Variants in ASIC2 observed in about 807,000 individuals in gnomAD.
ASIC2 encodes acid sensing ion channel subunit 2, also known as acid-sensing ion channel 2.
Under a neutral mutation model 57.3 loss-of-function variants are expected in ASIC2, and 25 were observed. That is an observed-to-expected ratio of 0.44 (90% CI 0.32 to 0.61). The LOEUF is 0.61. Ranked by LOEUF, ASIC2 falls within the 20% of genes least tolerant of loss-of-function variation. ASIC2 has a pLI of 0.06. For synonymous variants in ASIC2, 319 were observed against 307.5 expected (o/e 1.04, Z -0.39); for missense variants, 641 against 738.1 (o/e 0.87, Z 1.52).
intron 1 of ASIC2, among the ~76,000 whole-genome samples, chr17:33,659,982 G>A (rs1795840927): frequency 6.6e-6 from 1 of 151,962 alleles, no homozygotes; most frequent in Non-Finnish European, 1.5e-5. Context: ...TACTCAGGAG[G>A]CTGAGGCAGG....
At chr17:33,739,926 A>G (rs1452626226) in intron 1 of ASIC2, among the ~76,000 whole-genome samples, 2 of 150,900 alleles carry the variant, frequency 1.3e-5, no homozygotes, top group East Asian at 3.9e-4. Context: ...AGAAAAAAGA[A>G]AGAAAAAAGA....
At chr17:33,064,659 C>T (rs2092035708) in intron 3 of ASIC2, among the ~76,000 whole-genome samples, 1 of 152,182 alleles carries the variant, frequency 6.6e-6, no homozygotes, top group Non-Finnish European at 1.5e-5. Context: ...CTTGAGGAGG[C>T]AGTCTGTCTG....
intron 1 of ASIC2, among the ~76,000 whole-genome samples, chr17:33,448,335 A>AG (rs1912115245): frequency 1.3e-5 from 2 of 152,320 alleles, no homozygotes; most frequent in East Asian, 3.9e-4. Flanking sequence ...TGGAGTCCCC[A>AG]GATATATCAG....
At chr17:33,977,498 T>G (rs1158198095) in intron 1 of ASIC2, among the ~76,000 whole-genome samples, 1 of 152,220 alleles carries the variant, frequency 6.6e-6, no homozygotes, top group Non-Finnish European at 1.5e-5. Flanking sequence ...GTACACAAAG[T>G]GCACGTCTAG....
intron 1 of ASIC2, among the ~76,000 whole-genome samples, chr17:33,378,489 G>A (rs757982081): frequency 1.2e-4 from 18 of 152,072 alleles, no homozygotes; most frequent in Non-Finnish European, 2.9e-5. Context: ...CCTCCCCTCC[G>A]CCTCACCCAT....
intron 1 of ASIC2, among the ~76,000 whole-genome samples, chr17:34,145,663 A>G (rs758050508): frequency 1.3e-5 from 2 of 152,138 alleles, no homozygotes; most frequent in East Asian, 1.9e-4. Context: ...CCTCTTCTCT[A>G]TGATTGCCTT....
intron 1 of ASIC2, among the ~76,000 whole-genome samples, chr17:34,106,865 A>G (rs1198457596): frequency 1.3e-5 from 2 of 152,172 alleles, no homozygotes; most frequent in Non-Finnish European, 2.9e-5. Context: ...TAATTGAGAA[A>G]TGGTAGTAGA....
chr17:33,056,861 T>C (rs1199271022), intron 3 of ASIC2, among the ~76,000 whole-genome samples: 3 of 152,216 alleles, frequency 2.0e-5, no homozygotes, highest in African/African-American at 7.2e-5. Flanking sequence ...GGGGTTCACA[T>C]ATGCTGTCAC....
At chr17:34,001,239 T>C (rs114877979) in intron 1 of ASIC2, 98 of 152,344 alleles carry the variant, frequency 6.4e-4, no homozygotes, top group African/African-American at 2.3e-3. Flanking sequence ...GTTAATCTCT[T>C]CACCAGCTTA....
chr17:33,715,301 C>G (rs1007329195), intron 1 of ASIC2, among the ~76,000 whole-genome samples: 1 of 152,130 alleles, frequency 6.6e-6, no homozygotes, highest in African/African-American at 2.4e-5. Context: ...TGTGCATAGC[C>G]CATTTTTAAA....
chr17:34,080,878 T>C (rs1350901973), intron 1 of ASIC2: 1 of 152,232 alleles, frequency 6.6e-6, no homozygotes, highest in Non-Finnish European at 1.5e-5. Context: ...GGAGTGGGTC[T>C]GGCTGACAGC....
intron 1 of ASIC2, among the ~76,000 whole-genome samples, chr17:33,154,143 A>G (rs1211144088): frequency 6.6e-6 from 1 of 152,138 alleles, no homozygotes; most frequent in African/African-American, 2.4e-5. Flanking sequence ...CCTACAGCAA[A>G]CCCAACCTCA....
At chr17:34,070,373 A>G (rs1909352458) in intron 1 of ASIC2, 1 of 152,034 alleles carries the variant, frequency 6.6e-6, no homozygotes, top group African/African-American at 2.4e-5. Flanking sequence ...CAAAACTTCT[A>G]TCCATTTGGG....
At chr17:33,969,039 G>A (rs767352827) in intron 1 of ASIC2, among the ~76,000 whole-genome samples, 2 of 152,162 alleles carry the variant, frequency 1.3e-5, no homozygotes, top group Non-Finnish European at 2.9e-5. Flanking sequence ...AAACACAGAG[G>A]CCCGGGCCCA....
At chr17:33,454,980 C>T (rs371658501) in intron 1 of ASIC2, among the ~76,000 whole-genome samples, 35 of 152,286 alleles carry the variant, frequency 2.3e-4, no homozygotes, top group South Asian at 2.1e-4. Context: ...TTCCAACATA[C>T]GAATTTTGGA....
At chr17:34,015,576 G>C (rs1906922620) in intron 1 of ASIC2, among the ~76,000 whole-genome samples, 2 of 152,320 alleles carry the variant, frequency 1.3e-5, no homozygotes, top group South Asian at 4.1e-4. Flanking sequence ...TTCTCACAGG[G>C]ATGTTGTGGA....
intron 1 of ASIC2, among the ~76,000 whole-genome samples, chr17:33,776,159 T>C (rs2142124225): frequency 1.4e-5 from 2 of 147,528 alleles, no homozygotes; most frequent in East Asian, 2.0e-4. Flanking sequence ...AAAAATAGAC[T>C]GAATGTCTGT....
chr17:33,360,774 G>A (rs964672068), intron 1 of ASIC2, among the ~76,000 whole-genome samples: 3 of 152,140 alleles, frequency 2.0e-5, no homozygotes, highest in African/African-American at 7.2e-5. Context: ...GAAGATCTAT[G>A]GCTACTTGTT....
At chr17:33,590,596 C>A (rs7218421) in intron 1 of ASIC2, among the ~76,000 whole-genome samples, 16,245 of 150,460 alleles carry the variant, frequency 0.11, 1,197 homozygotes, top group East Asian at 0.3. Context: ...CTATACCACA[C>A]CCCAGTCTCT....
Sources: gnomAD v4.1 joint callset for allele counts (sites outside exome capture counted in the v4.1 genomes callset) on GRCh38, gnomAD v4.1.1 for gene constraint, MANE v1.5 for transcripts, NCBI Gene and HGNC (gene_info 2026-07-23, HGNC 2026-07-21) for gene names.